Variants in NBAS observed in about 807,000 individuals in gnomAD.
The protein encoded by NBAS is NAG/BC035112 fusion.
NBAS carries 219 observed loss-of-function variants against 302.5 expected under a neutral mutation model. The ratio of observed to expected loss-of-function variants is 0.72; its 90% CI spans 0.65 to 0.81. NBAS has a LOEUF of 0.81. Among genes scored for constraint, NBAS ranks in the 30% least tolerant of loss-of-function variants. NBAS has a pLI of 0.00. For missense variants in NBAS, 2,932 were observed against 2,841.6 expected (o/e 1.03, Z -0.72); for synonymous variants, 1,118 against 1,021.6 (o/e 1.09, Z -1.80).
intron 26 of NBAS, 79 bp from the exon 27 acceptor site, chr2:15,396,554 G>T: frequency 1.1e-6 from 1 of 935,778 alleles, no homozygotes; most frequent in Non-Finnish European, 1.6e-6. Context: ...ACTTAATGAA[G>T]TGAAAAAAAG....
At chr2:15,026,001 T>C in the NBAS span, among the ~76,000 whole-genome samples, 1 of 152,182 alleles carries the variant, frequency 6.6e-6, no homozygotes, top group Non-Finnish European at 1.5e-5. Flanking sequence ...TAATACCACA[T>C]TGAATAGGAG....
chr2:14,798,383 C>T, the NBAS span, among the ~76,000 whole-genome samples: 7 of 152,066 alleles, frequency 4.6e-5, no homozygotes, highest in Non-Finnish European at 8.8e-5. Context: ...CAGTGAATTA[C>T]ATAGATAGAT....
At chr2:14,963,947 G>C in the NBAS span, among the ~76,000 whole-genome samples, 4 of 152,298 alleles carry the variant, frequency 2.6e-5, 1 homozygote, top group Admixed American at 2.6e-4. Flanking sequence ...GTCTTCCTCA[G>C]CAAAGCGGAA....
chr2:15,518,715 C>A (rs1160146917), intron 9 of NBAS, among the ~76,000 whole-genome samples: 4 of 152,120 alleles, frequency 2.6e-5, no homozygotes, highest in Non-Finnish European at 5.9e-5. Context: ...ATGCCCGAGA[C>A]TTGGCAATTT....
At chr2:15,174,476 C>T (rs1459125137) in intron 51 of NBAS, among the ~76,000 whole-genome samples, 3 of 152,144 alleles carry the variant, frequency 2.0e-5, no homozygotes, top group African/African-American at 7.2e-5. Flanking sequence ...GAGGTGCTCT[C>T]GTGTCATAAT....
the NBAS span, among the ~76,000 whole-genome samples, chr2:14,814,823 C>G: frequency 0.011 from 1,690 of 152,256 alleles, 31 homozygotes; most frequent in African/African-American, 0.037. Context: ...GTGTCCCCCC[C>G]CAAACTGCAT....
intron 21 of NBAS, among the ~76,000 whole-genome samples, chr2:15,457,048 G>A (rs1679278654): frequency 2.0e-5 from 3 of 152,088 alleles, no homozygotes; most frequent in East Asian, 1.9e-4. Flanking sequence ...CATGGGAGAA[G>A]GGCACACTAA....
chr2:14,886,508 T>G, the NBAS span: 2 of 152,226 alleles, frequency 1.3e-5, no homozygotes, highest in African/African-American at 4.8e-5. Flanking sequence ...CGGCTATGCA[T>G]TTCCTGAAGG....
At chr2:15,310,738 C>G (rs1671236454) in intron 38 of NBAS, among the ~76,000 whole-genome samples, 1 of 152,216 alleles carries the variant, frequency 6.6e-6, no homozygotes, top group African/African-American at 2.4e-5. Flanking sequence ...CATGCCTTCT[C>G]CTGGCTCCTT....
chr2:15,521,786 C>A (rs1243957358), intron 9 of NBAS, among the ~76,000 whole-genome samples: 1 of 152,114 alleles, frequency 6.6e-6, no homozygotes, highest in Non-Finnish European at 1.5e-5. Flanking sequence ...CAAACTCCAG[C>A]CCCTCAAATC....
At chr2:15,053,041 A>C in the NBAS span, among the ~76,000 whole-genome samples, 1 of 152,232 alleles carries the variant, frequency 6.6e-6, no homozygotes, top group Non-Finnish European at 1.5e-5. Context: ...GGTGCATATA[A>C]AATAACTCTT....
At chr2:15,549,281 T>A (rs1558431379) in intron 6 of NBAS, among the ~76,000 whole-genome samples, 1 of 152,164 alleles carries the variant, frequency 6.6e-6, no homozygotes, top group Admixed American at 6.5e-5. Context: ...AGTGTTTTTT[T>A]AATGATCAAT....
In NBAS at chr2:15,335,883, T is replaced by G. The variant is rs74772918; in HGVS notation, c.4180-5118A>C. ...ATGATTAGTACTTTTTGTATCATAT[T>G]TAAGAGATCTCCAGCCTGGCAACAA... On this transcript the variant is annotated intron_variant, in intron 35 of 51. Transcript: ENST00000281513. 0.015 allele frequency among the ~76,000 whole-genome samples: 2,217 copies of G among 152,218 alleles called. 94 individuals are homozygous for G. The East Asian group carries it at 0.16, about 11-fold the overall frequency.
chr2:14,845,977 G>A, the NBAS span, among the ~76,000 whole-genome samples: 1 of 152,044 alleles, frequency 6.6e-6, no homozygotes, highest in South Asian at 2.1e-4. Context: ...TAGAGATAGG[G>A]TAGAAAGTTT....
Position 15,463,451 on chromosome 2 carries a change from G to A in NBAS, c.2098-1660C>T, listed in dbSNP as rs568381312. 1.8e-4 allele frequency among the ~76,000 whole-genome samples: 28 copies of A among 152,144 alleles called. 1 individual carries two copies. The highest frequency in any genetic ancestry group is 1.5e-3 in the South Asian group (7 of 4,816). ...ATCACCGCTCCTAATCTTCCTAGTC[G>A]CATACTAAGTGGTATTTTAACTACT... is the stretch of plus-strand genomic sequence containing the variant. On this transcript the variant is annotated intron_variant, in intron 19 of 51. Transcript: ENST00000281513.
chr2:14,801,343 C>CT, the NBAS span, among the ~76,000 whole-genome samples: 2 of 151,926 alleles, frequency 1.3e-5, no homozygotes, highest in South Asian at 4.2e-4. Context: ...CTCCATAGCT[C>CT]TGTTCATTTT....
chr2:15,021,771 G>A, the NBAS span, among the ~76,000 whole-genome samples: 3,042 of 152,284 alleles, frequency 0.02, 81 homozygotes, highest in African/African-American at 0.064. Context: ...GGAAACACCA[G>A]ATTCCCAAGA....
the NBAS span, among the ~76,000 whole-genome samples, chr2:14,783,085 G>C: frequency 6.6e-6 from 1 of 151,996 alleles, no homozygotes; most frequent in Admixed American, 6.6e-5. Context: ...TAACAAACCT[G>C]CACATGTACC....
the NBAS span, among the ~76,000 whole-genome samples, chr2:15,132,935 T>C: frequency 6.6e-6 from 1 of 152,206 alleles, no homozygotes; most frequent in East Asian, 1.9e-4. Context: ...AAATTATTTT[T>C]AAATTACACT....
Sources: gnomAD v4.1 joint callset for allele counts (sites outside exome capture counted in the v4.1 genomes callset) on GRCh38, gnomAD v4.1.1 for gene constraint, MANE v1.5 for transcripts, NCBI Gene and HGNC (gene_info 2026-07-23, HGNC 2026-07-21) for gene names.